FOXP2: variants seen among roughly 807,000 people sequenced by gnomAD.
FOXP2 encodes the protein forkhead box protein P2.
FOXP2 carries 12 observed loss-of-function variants against 115.8 expected under a neutral mutation model. The ratio of observed to expected loss-of-function variants is 0.10; its 90% CI spans 0.07 to 0.17. The LOEUF (loss-of-function observed/expected upper bound fraction) is 0.17, where lower values mean the gene tolerates loss of function less well. FOXP2 is among the 10% of genes least tolerant of loss of function. The pLI is 1.00. For synonymous variants in FOXP2, 328 were observed against 297.7 expected (o/e 1.10, Z -1.05); for missense variants, 629 against 843.5 (o/e 0.75, Z 3.15).
At chr7:114,326,380 TTCACCTAC>T (rs1797557856) in intron 2 of FOXP2, among the ~76,000 whole-genome samples, 2 of 152,054 alleles carry the variant, frequency 1.3e-5, no homozygotes, top group Non-Finnish European at 2.9e-5. Context: ...GGGCCCCAAT[TTCACCTAC>T]TCATGGGAAT....
At chr7:114,567,730 C>T (rs948599983) in intron 3 of FOXP2, among the ~76,000 whole-genome samples, 2 of 152,060 alleles carry the variant, frequency 1.3e-5, no homozygotes, top group African/African-American at 4.8e-5. Context: ...CATCTTGCTA[C>T]TTCTTTACAA....
intron 2 of FOXP2, among the ~76,000 whole-genome samples, chr7:114,491,684 A>T (rs1301415614): frequency 2.6e-5 from 4 of 151,606 alleles, no homozygotes; most frequent in African/African-American, 9.7e-5. Context: ...AATTTTTGTC[A>T]TTGGTTCTGT....
At chr7:114,202,079 A>G (rs1338153559) in intron 1 of FOXP2, among the ~76,000 whole-genome samples, 1 of 152,206 alleles carries the variant, frequency 6.6e-6, no homozygotes, top group African/African-American at 2.4e-5. Flanking sequence ...ATCCTCAGAA[A>G]CCATCCAGAG....
intron 2 of FOXP2, among the ~76,000 whole-genome samples, chr7:114,391,793 A>C (rs1381752281): frequency 6.6e-6 from 1 of 152,222 alleles, no homozygotes; most frequent in Non-Finnish European, 1.5e-5. Flanking sequence ...TGACACTCAA[A>C]TGTCCACATG....
intron 1 of FOXP2, among the ~76,000 whole-genome samples, chr7:114,102,770 T>A (rs1368856274): frequency 6.6e-6 from 1 of 150,608 alleles, no homozygotes; most frequent in Non-Finnish European, 1.5e-5. Context: ...ACATATCTTT[T>A]AAATCTCTGT....
At chr7:114,142,086 G>T (rs1372064650) in intron 1 of FOXP2, among the ~76,000 whole-genome samples, 1 of 152,032 alleles carries the variant, frequency 6.6e-6, no homozygotes, top group Non-Finnish European at 1.5e-5. Context: ...GCAATTGCAG[G>T]ATCTCGGCTC....
chr7:114,283,672 A>G (rs1376972523), intron 1 of FOXP2, among the ~76,000 whole-genome samples: 1 of 152,114 alleles, frequency 6.6e-6, no homozygotes, highest in Non-Finnish European at 1.5e-5. Context: ...ACAAAAATAA[A>G]TCACCTAGGC....
chr7:114,583,943 C>T (rs764451778), intron 3 of FOXP2, among the ~76,000 whole-genome samples: 2 of 152,076 alleles, frequency 1.3e-5, no homozygotes, highest in Admixed American at 1.3e-4. Flanking sequence ...GTCAAAGTAT[C>T]GAGTATATCA....
chr7:114,138,614 A>G (rs1792112965), intron 1 of FOXP2, among the ~76,000 whole-genome samples: 1 of 152,056 alleles, frequency 6.6e-6, no homozygotes, highest in Non-Finnish European at 1.5e-5. Context: ...ACTGGTCTCG[A>G]ACTCCTGACC....
At chr7:114,389,824 G>A (rs1298253953) in intron 2 of FOXP2, among the ~76,000 whole-genome samples, 2 of 152,066 alleles carry the variant, frequency 1.3e-5, no homozygotes, top group African/African-American at 4.8e-5. Context: ...AGGAGTTGGA[G>A]ACTAGCCTGG....
intron 1 of FOXP2, among the ~76,000 whole-genome samples, chr7:114,095,455 GT>G (rs561531757): frequency 2.9e-3 from 430 of 146,382 alleles, no homozygotes; most frequent in African/African-American, 9.3e-3. Flanking sequence ...TTTTTAAAGG[GT>G]TTTTTTTTTT....
At chr7:114,671,784 A>C (rs1182992690) in intron 16 of FOXP2, among the ~76,000 whole-genome samples, 2 of 152,208 alleles carry the variant, frequency 1.3e-5, no homozygotes, top group Non-Finnish European at 2.9e-5. Flanking sequence ...GCATTTAATA[A>C]ATAAAGAGAC....
At chr7:114,384,608 T>C (rs1792395499) in intron 2 of FOXP2, among the ~76,000 whole-genome samples, 1 of 152,108 alleles carries the variant, frequency 6.6e-6, no homozygotes, top group African/African-American at 2.4e-5. Context: ...CTTTGTGTGG[T>C]AATTAAGATT....
intron 2 of FOXP2, among the ~76,000 whole-genome samples, chr7:114,295,337 T>C (rs2129177303): frequency 6.6e-6 from 1 of 152,310 alleles, no homozygotes; most frequent in South Asian, 2.1e-4. Context: ...CCCACATTTC[T>C]TGGAATTAGT....
At chr7:114,684,447 T>C (rs899057994) in intron 16 of FOXP2, among the ~76,000 whole-genome samples, 1 of 152,188 alleles carries the variant, frequency 6.6e-6, no homozygotes, top group African/African-American at 2.4e-5. Context: ...CCCAAAATAA[T>C]GCTTATTGAC....
chr7:114,127,870 C>T (rs2129144741), intron 1 of FOXP2, among the ~76,000 whole-genome samples: 1 of 152,188 alleles, frequency 6.6e-6, no homozygotes, highest in East Asian at 1.9e-4. Context: ...ATGTATTACA[C>T]TAGCTATACG....
chr7:114,567,590 C>A (rs978888298), intron 3 of FOXP2, among the ~76,000 whole-genome samples: 2 of 152,082 alleles, frequency 1.3e-5, no homozygotes, highest in African/African-American at 2.4e-5. Flanking sequence ...TTAAAAGATT[C>A]TTTGGTGCTT....
At chr7:114,402,393 C>G (rs1399867467) in intron 2 of FOXP2, among the ~76,000 whole-genome samples, 1 of 152,096 alleles carries the variant, frequency 6.6e-6, no homozygotes, top group Non-Finnish European at 1.5e-5. Flanking sequence ...TCTAGGGTCT[C>G]CACCTCTAGA....
intron 3 of FOXP2, among the ~76,000 whole-genome samples, chr7:114,575,443 C>T (rs1024813937): frequency 1.3e-5 from 2 of 151,730 alleles, no homozygotes; most frequent in Non-Finnish European, 2.9e-5. Context: ...TACCTTGGGT[C>T]ACGGCCAAGA....
Sources: gnomAD v4.1 joint callset for allele counts (sites outside exome capture counted in the v4.1 genomes callset) on GRCh38, gnomAD v4.1.1 for gene constraint, MANE v1.5 for transcripts, NCBI Gene and HGNC (gene_info 2026-07-23, HGNC 2026-07-21) for gene names.